TMC1: variants seen among roughly 807,000 people sequenced by gnomAD.
TMC1 encodes transmembrane channel like 1.
In TMC1, 84 loss-of-function variants were observed where a neutral mutation model predicts 105.8. The ratio of observed to expected loss-of-function variants is 0.79; its 90% CI spans 0.67 to 0.95. The LOEUF (loss-of-function observed/expected upper bound fraction) is 0.95. Ranked by LOEUF, TMC1 falls within the 40% of genes least tolerant of loss-of-function variation. The pLI is 0.00. For missense variants in TMC1, 817 were observed against 914.1 expected (o/e 0.89, Z 1.37); for synonymous variants, 315 against 311.5 (o/e 1.01, Z -0.12).
At chr9:72,778,539 T>C (rs1828040634) in intron 13 of TMC1, among the ~76,000 whole-genome samples, 1 of 151,844 alleles carries the variant, frequency 6.6e-6, no homozygotes, top group African/African-American at 2.4e-5. Context: ...GCTTGAAGAG[T>C]TGACAGGGAC....
At chr9:72,638,814 G>T (rs1022842132) in intron 4 of TMC1, among the ~76,000 whole-genome samples, 1 of 152,136 alleles carries the variant, frequency 6.6e-6, no homozygotes, top group African/African-American at 2.4e-5. Context: ...TCTGAGAACG[G>T]TCAAGAGTTT....
intron 19 of TMC1, among the ~76,000 whole-genome samples, 199 bp downstream of exon 19, chr9:72,816,409 T>C (rs1422129958): frequency 2.0e-5 from 3 of 152,216 alleles, no homozygotes; most frequent in African/African-American, 7.2e-5. Context: ...CTCTCTGTTT[T>C]GCAAAGCACT....
intron 3 of TMC1, among the ~76,000 whole-genome samples, chr9:72,619,418 C>G (rs1337302973): frequency 6.6e-6 from 1 of 152,032 alleles, no homozygotes; most frequent in East Asian, 1.9e-4. Context: ...AAAACACACA[C>G]AACAAGTCAT....
chr9:72,525,504 C>A (rs1308886240), intron 1 of TMC1, among the ~76,000 whole-genome samples: 1 of 152,168 alleles, frequency 6.6e-6, no homozygotes. Context: ...AAGTTAATTT[C>A]TTTTGAGATT....
intron 1 of TMC1, among the ~76,000 whole-genome samples, chr9:72,544,170 C>T (rs1033327184): frequency 6.6e-6 from 1 of 151,880 alleles, no homozygotes; most frequent in Non-Finnish European, 1.5e-5. Flanking sequence ...AGGCTGGTCT[C>T]GAACAGCTGA....
At chr9:72,751,770 G>T (rs2118055482) in intron 10 of TMC1, 80 bp from the exon 11 acceptor site, 1 of 887,076 alleles carries the variant, frequency 1.1e-6, no homozygotes, top group South Asian at 1.4e-5. Flanking sequence ...GATTCATTTT[G>T]AAGGCAACCA....
chr9:72,576,623 T>C (rs1005334503), intron 1 of TMC1, among the ~76,000 whole-genome samples: 1 of 140,584 alleles, frequency 7.1e-6, no homozygotes, highest in Non-Finnish European at 1.5e-5. Context: ...AATTTCTTTT[T>C]TTTTTTTTTC....
At chr9:72,529,098 A>AT (rs36003839) in intron 1 of TMC1, among the ~76,000 whole-genome samples, 2,319 of 98,844 alleles carry the variant, frequency 0.023, 63 homozygotes, top group African/African-American at 0.076. Flanking sequence ...ATACTACACC[A>AT]TTTTTTTTTT....
Position 72,836,908 on chromosome 9 carries a change from G to A in TMC1, c.*935G>A, listed in dbSNP as rs1240012101. 2.0e-5 allele frequency: 3 copies of A among 152,160 alleles called. No individual in the cohort carries two copies. The highest frequency in any genetic ancestry group is 1.3e-4 in the Admixed American group (2 of 15,268). 9.4% of individuals were successfully genotyped at this position (152,160 alleles called of 1,614,324 possible). On this transcript the variant is annotated 3_prime_UTR_variant, in exon 24 of 24. Transcript: ENST00000297784. ...GAATGAGGCAAGTTTTAGAGCAGGA[G>A]TGTAGGTTTATTAAAAAGTTTTACA...
At chr9:72,596,688 G>A (rs1046369297) in intron 2 of TMC1, among the ~76,000 whole-genome samples, 15 of 152,124 alleles carry the variant, frequency 9.9e-5, no homozygotes, top group African/African-American at 2.9e-4. Flanking sequence ...ACCGTTCTTC[G>A]TGAAAACCAA....
intron 20 of TMC1, among the ~76,000 whole-genome samples, chr9:72,825,305 C>T (rs1294641312): frequency 2.6e-5 from 4 of 152,162 alleles, no homozygotes; most frequent in Non-Finnish European, 4.4e-5. Flanking sequence ...GGCGCTATGC[C>T]TACAGCAGGA....
chr9:72,812,458 G>T (rs1313504455), intron 18 of TMC1, among the ~76,000 whole-genome samples: 1 of 152,180 alleles, frequency 6.6e-6, no homozygotes, highest in Non-Finnish European at 1.5e-5. Flanking sequence ...TCTCAACTAG[G>T]GTTGAAGTAC....
At chr9:72,777,350 A>G (rs1828022731) in intron 13 of TMC1, among the ~76,000 whole-genome samples, 1 of 152,106 alleles carries the variant, frequency 6.6e-6, no homozygotes. Context: ...TTATCTATTT[A>G]GTAGAAAGCA....
In TMC1 at chr9:72,584,267, C is replaced by CTT. The variant is rs11374672; in HGVS notation, c.-306+6259_-306+6260dup. Among the ~76,000 whole-genome samples the CTT allele has an allele frequency of 3.3e-3, 460 of 138,126 alleles. 7 individuals carry two copies. Among genetic ancestry groups the CTT allele is most frequent in the African/African-American group, 8.3e-3 (306 of 37,016 alleles). The allele number at this position is 138,126 out of a possible 152,430, so 90.6% of individuals were successfully genotyped here. On this transcript the variant is annotated intron_variant, in intron 2 of 23. Transcript: ENST00000297784. Reference sequence around the variant, plus strand: ...GCATGAAGAAAGCATAATGTCACTACTTTTTTTTTTTTTTTTGAGACAGGG... The same window carrying CTT: ...GCATGAAGAAAGCATAATGTCACTACTTTTTTTTTTTTTTTTTTGAGACAGGG...
chr9:72,776,506 A>G (rs1464706306), intron 13 of TMC1, among the ~76,000 whole-genome samples: 1 of 152,200 alleles, frequency 6.6e-6, no homozygotes, highest in Non-Finnish European at 1.5e-5. Context: ...ATAATGAAAT[A>G]AAACTCAGAG....
chr9:72,727,319 T>G (rs1223841476), intron 8 of TMC1, among the ~76,000 whole-genome samples: 1 of 152,308 alleles, frequency 6.6e-6, no homozygotes, highest in South Asian at 2.1e-4. Context: ...TTTTTCTTAA[T>G]AAAGTTTAAG....
intron 12 of TMC1, among the ~76,000 whole-genome samples, chr9:72,760,609 A>T (rs1827741163): frequency 6.6e-6 from 1 of 152,076 alleles, no homozygotes; most frequent in Admixed American, 6.5e-5. Context: ...CTCAAAGGAG[A>T]TCTGAGCAGC....
intron 13 of TMC1, 145 bp downstream of exon 13, chr9:72,772,700 C>A: frequency 9.1e-7 from 1 of 1,095,878 alleles, no homozygotes; most frequent in Non-Finnish European, 1.4e-6. Flanking sequence ...GTTTTAATAC[C>A]AACACTAATG....
intron 13 of TMC1, among the ~76,000 whole-genome samples, chr9:72,786,165 G>A (rs910532611): frequency 6.6e-6 from 1 of 152,186 alleles, no homozygotes; most frequent in Non-Finnish European, 1.5e-5. Context: ...CCTTAGGCAG[G>A]CCAGGCGCGG....
Sources: allele counts gnomAD v4.1 joint callset (sites outside exome capture counted in the v4.1 genomes callset), GRCh38; gene constraint gnomAD v4.1.1; transcripts MANE v1.5; gene names NCBI Gene and HGNC (gene_info 2026-07-23, HGNC 2026-07-21).